Variants in SETBP1 observed in about 807,000 individuals in gnomAD.
SETBP1 encodes the protein SET binding protein 1.
In SETBP1, 9 loss-of-function variants were observed where a neutral mutation model predicts 101.0. The observed-to-expected ratio is 0.09, with a 90% CI of 0.05 to 0.16. The LOEUF is 0.16. SETBP1 is among the 10% of genes least tolerant of loss of function. The pLI is 1.00. For missense variants in SETBP1, 1,858 were observed against 2,033.8 expected, an observed-to-expected ratio of 0.91 and a Z score of 1.66; for synonymous variants, 818 against 788.5, an observed-to-expected ratio of 1.04 and a Z score of -0.63.
At chr18:44,787,891 C>A (rs1475192413) in intron 2 of SETBP1, among the ~76,000 whole-genome samples, 1 of 107,034 alleles carries the variant, frequency 9.3e-6, no homozygotes, top group Non-Finnish European at 2.0e-5. Context: ...GAAAATTGTT[C>A]TCTAAGGAAA....
At chr18:44,854,799 A>T (rs910199617) in intron 2 of SETBP1, among the ~76,000 whole-genome samples, 1 of 152,006 alleles carries the variant, frequency 6.6e-6, no homozygotes, top group African/African-American at 2.4e-5. Context: ...TACCCCCCAT[A>T]TCTCTCAGAG....
At chr18:44,939,010 G>T (rs2071026276) in intron 3 of SETBP1, among the ~76,000 whole-genome samples, 1 of 151,976 alleles carries the variant, frequency 6.6e-6, no homozygotes, top group South Asian at 2.1e-4. Flanking sequence ...GTGTGTGTGT[G>T]TGTGATATAG....
intron 4 of SETBP1, among the ~76,000 whole-genome samples, chr18:45,020,766 G>C (rs768927144): frequency 1.4e-4 from 22 of 152,172 alleles, no homozygotes; most frequent in Non-Finnish European, 2.5e-4. Flanking sequence ...CTGAACACCT[G>C]AAGTCACCTC....
At chr18:44,909,972 A>G (rs1025912) in intron 3 of SETBP1, among the ~76,000 whole-genome samples, 69,725 of 152,094 alleles carry the variant, frequency 0.46, 17,335 homozygotes, top group African/African-American at 0.67. Flanking sequence ...TCAAGGAAGC[A>G]CCTTCCAAGA....
chr18:44,947,943 C>T (rs1000824900), intron 3 of SETBP1, among the ~76,000 whole-genome samples: 2 of 152,202 alleles, frequency 1.3e-5, no homozygotes, highest in Non-Finnish European at 2.9e-5. Context: ...TTAGTAAACA[C>T]AGAGTGCCAG....
chr18:44,886,598 C>G (rs926931441), intron 3 of SETBP1, among the ~76,000 whole-genome samples: 1 of 151,958 alleles, frequency 6.6e-6, no homozygotes, highest in African/African-American at 2.4e-5. Context: ...TAGGTCAGCA[C>G]AGGTGATTTC....
At chr18:44,893,571 C>T (rs533700631) in intron 3 of SETBP1, among the ~76,000 whole-genome samples, 9 of 152,260 alleles carry the variant, frequency 5.9e-5, no homozygotes, top group South Asian at 2.1e-4. Flanking sequence ...CTCCTCACCC[C>T]GGTGTGGCCT....
At chr18:44,713,685 G>A (rs766758487) in intron 2 of SETBP1, among the ~76,000 whole-genome samples, 2 of 152,164 alleles carry the variant, frequency 1.3e-5, no homozygotes, top group Non-Finnish European at 2.9e-5. Context: ...CTATGTCATT[G>A]TTCATATACA....
At chr18:44,893,924 A>G (rs1389535396) in intron 3 of SETBP1, among the ~76,000 whole-genome samples, 2 of 152,130 alleles carry the variant, frequency 1.3e-5, no homozygotes, top group Non-Finnish European at 2.9e-5. Context: ...TCTATTGTAT[A>G]TACCAAACTT....
intron 2 of SETBP1, among the ~76,000 whole-genome samples, chr18:44,788,790 ATTTTTTTTTTTT>A (rs34929410): frequency 2.5e-5 from 2 of 80,438 alleles, no homozygotes; most frequent in African/African-American, 5.3e-5. Flanking sequence ...TTCCTTTTTA[ATTTTTTTTTTTT>A]TTTTTTTTTT....
At chr18:44,698,932 A>C (rs543919761) in intron 1 of SETBP1, among the ~76,000 whole-genome samples, 1 of 152,304 alleles carries the variant, frequency 6.6e-6, no homozygotes, top group Non-Finnish European at 1.5e-5. Flanking sequence ...AAATGTAAGA[A>C]ATGATTGTTT....
chr18:45,009,424 C>T (rs912370916), intron 4 of SETBP1, among the ~76,000 whole-genome samples: 1 of 151,514 alleles, frequency 6.6e-6, no homozygotes, highest in Non-Finnish European at 1.5e-5. Flanking sequence ...TATATAACCT[C>T]AACGAGTGGT....
rs373041299 is a variant in SETBP1, at chr18:45,016,925, G to A, written c.4001-21560G>A. ...GTTCAAGGAGAGGAAGGACTCCTCC[G>A]TCTCCTTTCACGGCTGCGTGGAAGT... On this transcript the variant is annotated intron_variant, in intron 4 of 5. Transcript: ENST00000649279. Among the ~76,000 whole-genome samples the A allele has an allele frequency of 3.9e-5, 6 of 152,114 alleles. No individual in the cohort carries two copies. The East Asian group carries it at 9.7e-4, about 25-fold the overall frequency.
chr18:44,983,109 A>T (rs1017754168), intron 4 of SETBP1, among the ~76,000 whole-genome samples: 1 of 152,178 alleles, frequency 6.6e-6, no homozygotes, highest in Admixed American at 6.5e-5. Flanking sequence ...AAGCCAGGCC[A>T]ATTGAGTAAA....
At chr18:44,990,923 G>A (rs1449076768) in intron 4 of SETBP1, among the ~76,000 whole-genome samples, 1 of 112,588 alleles carries the variant, frequency 8.9e-6, no homozygotes, top group African/African-American at 3.4e-5. Flanking sequence ...CCATCAGAGA[G>A]AGAGAAAAAA....
In SETBP1 at chr18:44,952,811, G is replaced by A; in HGVS notation, c.3471G>A (p.Lys1157=). Residue 1157 remains lysine (K), a synonymous_variant, in exon 4 of 6, where the codon AAG becomes AAA. Transcript: ENST00000649279. ...AGAGGAAACACAAACACAAGCATAA[G>A]CACAAGGAAGACCGGATCCTAGGGA... ...LHKRKHKHKH[K]HKEDRILGTH... 1 of 1,614,038 alleles carries A rather than the reference G, an allele frequency of 6.2e-7. No homozygotes were observed.
chr18:45,046,791 C>T (rs185738103), intron 5 of SETBP1, among the ~76,000 whole-genome samples: 2 of 152,230 alleles, frequency 1.3e-5, no homozygotes, highest in Admixed American at 6.5e-5. Flanking sequence ...ATTCCCAAAA[C>T]CTTGGGATGT....
At chr18:45,019,926 A>G (rs940679493) in intron 4 of SETBP1, among the ~76,000 whole-genome samples, 8 of 152,148 alleles carry the variant, frequency 5.3e-5, no homozygotes, top group Admixed American at 5.2e-4. Context: ...GCTTAAGAAA[A>G]AGCACCTACC....
rs186943356 is a variant in SETBP1 at position 44,832,620 on chromosome 18, A to G, written c.487-36610A>G. Among the ~76,000 whole-genome samples, 9 of 152,274 alleles carry G rather than the reference A, an allele frequency of 5.9e-5. No homozygotes were observed. In the East Asian group the frequency reaches 1.7e-3, roughly 29 times the overall value. ...TTGCTAGGTAATGCTGACATCCCCA[A>G]ACTCGGTGCCCTTTGGGTCCCCCTC... On this transcript the variant is annotated intron_variant, in intron 2 of 5. Transcript: ENST00000649279.
Sources: gnomAD v4.1 joint callset for allele counts (sites outside exome capture counted in the v4.1 genomes callset) on GRCh38, gnomAD v4.1.1 for gene constraint, MANE v1.5 for transcripts, NCBI Gene and HGNC (gene_info 2026-07-23, HGNC 2026-07-21) for gene names.